Variants in SSH2 observed in about 807,000 individuals in gnomAD.
SSH2 encodes slingshot protein phosphatase 2, also known as protein phosphatase Slingshot homolog 2.
A neutral mutation model predicts 135.2 loss-of-function variants in SSH2; 37 were observed. That is an observed-to-expected ratio of 0.27 (90% confidence interval 0.21 to 0.36). The LOEUF (loss-of-function observed/expected upper bound fraction) is 0.36, where lower values mean the gene tolerates loss of function less well. SSH2 is among the 10% of genes least tolerant of loss of function. The pLI, the probability that SSH2 is intolerant of heterozygous loss-of-function variation, is 1.00. For synonymous variants in SSH2, 628 were observed against 646.2 expected, an observed-to-expected ratio of 0.97 and a Z score of 0.43; for missense variants, 1,408 against 1,765.3, an observed-to-expected ratio of 0.80 and a Z score of 3.63.
At chr17:29,640,040 A>G (rs78158897) in intron 14 of SSH2, among the ~76,000 whole-genome samples, 5,663 of 152,120 alleles carry the variant, frequency 0.037, 137 homozygotes, top group Middle Eastern at 0.051. Context: ...GCAAAATGAG[A>G]AGTTTAATGA....
At chr17:29,899,039 T>C (rs1373230976) in intron 1 of SSH2, among the ~76,000 whole-genome samples, 4 of 152,192 alleles carry the variant, frequency 2.6e-5, no homozygotes, top group African/African-American at 4.8e-5. Flanking sequence ...CACACGATTA[T>C]CTCAATAGAT....
At chr17:29,695,666 T>G (rs1375807286) in intron 4 of SSH2, 143 bp from the exon 5 acceptor site, 16 of 662,144 alleles carry the variant, frequency 2.4e-5, no homozygotes, top group Middle Eastern at 5.5e-4. Flanking sequence ...AAATGATTAT[T>G]AACTTCTTTT....
At chr17:29,718,732 C>CAAAAAAA (rs752148237) in intron 3 of SSH2, among the ~76,000 whole-genome samples, 1 of 77,318 alleles carries the variant, frequency 1.3e-5, no homozygotes, top group East Asian at 3.2e-4. Context: ...GATTTCACCT[C>CAAAAAAA]AAAAAAAAAA....
intron 2 of SSH2, among the ~76,000 whole-genome samples, chr17:29,804,866 T>C (rs2042312317): frequency 6.7e-6 from 1 of 148,266 alleles, no homozygotes; most frequent in Non-Finnish European, 1.5e-5. Context: ...TTTTTTTTTT[T>C]TGAAGGGGGA....
intron 6 of SSH2, among the ~76,000 whole-genome samples, chr17:29,680,671 C>T (rs992689192): frequency 1.3e-5 from 2 of 150,284 alleles, no homozygotes; most frequent in African/African-American, 2.4e-5. Flanking sequence ...ACACAGCTAC[C>T]ATGCCAGAGT....
intron 3 of SSH2, among the ~76,000 whole-genome samples, chr17:29,759,247 G>T (rs1327726111): frequency 6.6e-6 from 1 of 151,492 alleles, no homozygotes; most frequent in South Asian, 2.1e-4. Flanking sequence ...TGTTGCCCAG[G>T]TTGGTCTCCA....
chr17:29,667,751 T>C (rs773434971), intron 9 of SSH2, among the ~76,000 whole-genome samples: 11 of 152,146 alleles, frequency 7.2e-5, no homozygotes, highest in Admixed American at 3.9e-4. Context: ...GAAACACTTA[T>C]CCTTTTCTAT....
intron 3 of SSH2, among the ~76,000 whole-genome samples, chr17:29,711,059 C>G (rs1169761042): frequency 1.8e-4 from 28 of 152,202 alleles, no homozygotes. Context: ...GATTATTTAT[C>G]TCCTTATCAC....
At chr17:29,723,367 A>G (rs943516824) in intron 3 of SSH2, among the ~76,000 whole-genome samples, 3 of 152,160 alleles carry the variant, frequency 2.0e-5, no homozygotes, top group Admixed American at 6.6e-5. Flanking sequence ...TCCTAGGCCT[A>G]TATTGTTTGC....
chr17:29,696,174 T>TATACAC (rs1436986713), intron 4 of SSH2, among the ~76,000 whole-genome samples: 2 of 137,126 alleles, frequency 1.5e-5, no homozygotes, highest in African/African-American at 5.4e-5. Context: ...TGTATATATA[T>TATACAC]ACACACACAC....
chr17:29,788,303 T>G (rs1313264975), intron 3 of SSH2, among the ~76,000 whole-genome samples: 3 of 152,202 alleles, frequency 2.0e-5, no homozygotes, highest in Non-Finnish European at 4.4e-5. Context: ...CTCAATCTAT[T>G]GAAGGCCTGA....
chr17:29,715,239 ATTTC>A (rs200676294), intron 3 of SSH2, among the ~76,000 whole-genome samples: 33 of 139,606 alleles, frequency 2.4e-4, no homozygotes, highest in South Asian at 8.8e-4. Flanking sequence ...CCCATGTCCT[ATTTC>A]TTTCTTTCTT....
At chr17:29,709,052 A>AGAGAGAGAGAGAGAGAGCGC (rs1491229455) in intron 3 of SSH2, among the ~76,000 whole-genome samples, 20 of 144,650 alleles carry the variant, frequency 1.4e-4, no homozygotes, top group African/African-American at 5.1e-4. Context: ...AGAGAGAGAG[A>AGAGAGAGAGAGAGAGAGCGC]GCTAATAATA....
At chr17:29,865,630 C>T (rs1388203507) in intron 1 of SSH2, among the ~76,000 whole-genome samples, 1 of 152,180 alleles carries the variant, frequency 6.6e-6, no homozygotes, top group Admixed American at 6.5e-5. Context: ...TCACAGATTT[C>T]ACTGAACCCA....
chr17:29,908,783 A>AG (rs1567646721), intron 1 of SSH2, among the ~76,000 whole-genome samples: 3 of 127,982 alleles, frequency 2.3e-5, no homozygotes, highest in Non-Finnish European at 3.3e-5. Flanking sequence ...AAAAAAAAAA[A>AG]AAAAAAAAAA....
At chr17:29,675,641 TA>T (rs1040102951) in intron 8 of SSH2, among the ~76,000 whole-genome samples, 7 of 149,340 alleles carry the variant, frequency 4.7e-5, no homozygotes, top group African/African-American at 1.2e-4. Context: ...CAAAAAAAAT[TA>T]AAAAAAAAAT....
At chr17:29,878,461 T>A (rs1168164499) in intron 1 of SSH2, among the ~76,000 whole-genome samples, 1 of 151,314 alleles carries the variant, frequency 6.6e-6, no homozygotes, top group African/African-American at 2.4e-5. Context: ...ATGAGGGAAT[T>A]ATGCATGGTT....
intron 11 of SSH2, among the ~76,000 whole-genome samples, chr17:29,661,495 G>T (rs2037040375): frequency 6.6e-6 from 1 of 152,208 alleles, no homozygotes; most frequent in Non-Finnish European, 1.5e-5. Flanking sequence ...TTAGGAAAAG[G>T]TCAGTGGTGA....
intron 1 of SSH2, among the ~76,000 whole-genome samples, chr17:29,917,511 G>A (rs1312991834): frequency 4.6e-5 from 7 of 152,168 alleles, no homozygotes; most frequent in African/African-American, 1.7e-4. Flanking sequence ...ATCCCTCAGT[G>A]TTTGAGAAGG....
Sources: allele counts gnomAD v4.1 joint callset (sites outside exome capture counted in the v4.1 genomes callset), GRCh38; gene constraint gnomAD v4.1.1; transcripts MANE v1.5; gene names NCBI Gene and HGNC (gene_info 2026-07-23, HGNC 2026-07-21).